Variants in TRMT9B observed in about 807,000 individuals in gnomAD.
TRMT9B encodes the protein tRNA methyltransferase 9B (putative).
Under a neutral mutation model 11.5 loss-of-function variants are expected in TRMT9B, and 16 were observed. The observed-to-expected ratio is 1.39, with a 90% CI of 0.94 to 2.11. The LOEUF is 2.11. Ranked by LOEUF, TRMT9B falls within the 30% of genes most tolerant of loss-of-function variation. The probability of loss-of-function intolerance (pLI) is 0.00; values close to 1 mark genes in which losing one functional copy is unlikely to be tolerated. For missense variants in TRMT9B, 941 were observed against 553.8 expected (o/e 1.70, Z -7.02); for synonymous variants, 274 against 192.4 (o/e 1.42, Z -3.51).
intron 1 of TRMT9B, among the ~76,000 whole-genome samples, chr8:12,955,588 G>A (rs2460358): frequency 0.024 from 3,680 of 152,238 alleles, 148 homozygotes; most frequent in African/African-American, 0.085. Context: ...GTGTAACTGC[G>A]AATGTCAAAT....
chr8:13,015,984 C>A (rs944729580), intron 4 of TRMT9B, among the ~76,000 whole-genome samples: 1 of 151,222 alleles, frequency 6.6e-6, no homozygotes, highest in East Asian at 1.9e-4. Context: ...GTGACGGGCA[C>A]CTGAATTCCC....
At chr8:13,007,748 C>G (rs1187841576) in intron 3 of TRMT9B, 1 of 152,116 alleles carries the variant, frequency 6.6e-6, no homozygotes, top group Non-Finnish European at 1.5e-5. Context: ...GGGAAAGGAA[C>G]TATTCAGTAA....
chr8:12,948,914 C>T lies in TRMT9B; in HGVS notation c.-200+2948C>T, dbSNP rs146793242. Among the ~76,000 whole-genome samples, 42 of 152,168 alleles carry T rather than the reference C, an allele frequency of 2.8e-4. 1 individual carries two copies. The highest frequency in any genetic ancestry group is 1.0e-3 in the Admixed American group (16 of 15,280). ...GGCGGAGCTTGCAGTGAGCCGAGATCGCACCACTGCACTCCAGCCTGGGTG... is the reference window on the plus strand; with the variant it reads ...GGCGGAGCTTGCAGTGAGCCGAGATTGCACCACTGCACTCCAGCCTGGGTG... On this transcript the variant is annotated intron_variant, in intron 1 of 4. Coordinates refer to ENST00000524591, the MANE Select transcript of TRMT9B (RefSeq NM_020844.3).
At chr8:12,951,818 G>A (rs557948757) in intron 1 of TRMT9B, 4,592 of 151,902 alleles carry the variant, frequency 0.03, 109 homozygotes, top group Non-Finnish European at 0.049. Context: ...GCGGGGCGCC[G>A]GAGTAGGGCG....
chr8:12,969,408 G>A (rs925903113), intron 1 of TRMT9B, among the ~76,000 whole-genome samples: 6 of 151,910 alleles, frequency 3.9e-5, no homozygotes, highest in Admixed American at 6.6e-5. Flanking sequence ...CATCCAAAGG[G>A]GATTGGTTCC....
intron 1 of TRMT9B, among the ~76,000 whole-genome samples, chr8:12,989,812 G>C (rs1585230168): frequency 1.3e-5 from 2 of 152,212 alleles, no homozygotes; most frequent in Middle Eastern, 3.2e-3. Flanking sequence ...TGCTTTGGTA[G>C]CTCTTTCAAA....
chr8:12,953,339 ATTAT>A (rs1304731000), intron 1 of TRMT9B, among the ~76,000 whole-genome samples: 1 of 151,964 alleles, frequency 6.6e-6, no homozygotes, highest in Non-Finnish European at 1.5e-5. Context: ...TCTATTTTTT[ATTAT>A]TTATTTGTTT....
chr8:13,006,565 T>A, intron 3 of TRMT9B: 3 of 1,422,914 alleles, frequency 2.1e-6, no homozygotes, highest in Non-Finnish European at 2.8e-6. Flanking sequence ...ATAGGAATCC[T>A]GAAATTGCAC....
intron 1 of TRMT9B, among the ~76,000 whole-genome samples, chr8:12,966,290 C>T (rs1009923746): frequency 3.9e-5 from 6 of 152,048 alleles, no homozygotes; most frequent in Non-Finnish European, 5.9e-5. Flanking sequence ...AGGGTGTGGG[C>T]GGGGGGAAGA....
intron 1 of TRMT9B, among the ~76,000 whole-genome samples, chr8:12,985,699 TCATA>T (rs1416878079): frequency 3.9e-5 from 6 of 152,112 alleles, no homozygotes; most frequent in South Asian, 2.1e-4. Context: ...TAGAGCTCTA[TCATA>T]CATGGCTAGC....
In TRMT9B at chr8:13,021,973, C is replaced by T. The variant is rs572261095; in HGVS notation, c.1294C>T (p.Arg432Cys). 1.6e-5 allele frequency: 26 copies of T among 1,613,184 alleles called. No individual in the cohort carries two copies. The highest frequency in any genetic ancestry group is 8.0e-5 in the African/African-American group (6 of 74,978). ...SLLKENVSEL[R>C]ILSSGNDHGN... ...GCTCAAGGAGAATGTGTCAGAGCTC[C>T]GTATCCTGAGTTCTGGGAATGATCA... Residue 432 changes from arginine to cysteine, a missense_variant, in exon 5 of 5, where the codon CGT becomes TGT. Coordinates refer to ENST00000524591, the MANE Select transcript of TRMT9B (RefSeq NM_020844.3).
At chr8:12,979,133 G>C (rs1804943399) in intron 1 of TRMT9B, among the ~76,000 whole-genome samples, 1 of 152,180 alleles carries the variant, frequency 6.6e-6, no homozygotes, top group African/African-American at 2.4e-5. Context: ...CCTCTGGCGG[G>C]GGAATGGCAG....
chr8:13,002,982 T>C (rs1366119766), intron 2 of TRMT9B, among the ~76,000 whole-genome samples: 3 of 152,076 alleles, frequency 2.0e-5, no homozygotes, highest in African/African-American at 7.2e-5. Context: ...CCAAAGCCAA[T>C]ACTACCCTCT....
intron 4 of TRMT9B, among the ~76,000 whole-genome samples, chr8:13,017,866 C>T (rs545299808): frequency 5.9e-4 from 90 of 151,650 alleles, no homozygotes; most frequent in Non-Finnish European, 1.2e-3. Context: ...TCAAGTGATC[C>T]GCCCACCTCA....
intron 1 of TRMT9B, among the ~76,000 whole-genome samples, chr8:12,972,655 C>T (rs960772617): frequency 1.3e-5 from 2 of 152,090 alleles, no homozygotes; most frequent in Non-Finnish European, 2.9e-5. Flanking sequence ...GCCCTCTCCA[C>T]ACAAAGCGGT....
chr8:12,992,850 C>G (rs1253211299), intron 2 of TRMT9B, among the ~76,000 whole-genome samples: 2 of 152,030 alleles, frequency 1.3e-5, no homozygotes, highest in Non-Finnish European at 2.9e-5. Context: ...GCCTAGGAGA[C>G]AGAGCAAGAC....
intron 2 of TRMT9B, among the ~76,000 whole-genome samples, chr8:12,997,542 G>T (rs1396668013): frequency 6.6e-6 from 1 of 152,026 alleles, no homozygotes; most frequent in Non-Finnish European, 1.5e-5. Context: ...ACTAATATAG[G>T]GACTGATCCA....
intron 1 of TRMT9B, among the ~76,000 whole-genome samples, chr8:12,950,679 G>T (rs757432251): frequency 7.9e-5 from 12 of 152,124 alleles, no homozygotes; most frequent in Non-Finnish European, 1.6e-4. Flanking sequence ...AATATACTGT[G>T]GCACTAGAAA....
At chr8:12,982,039 G>T (rs565781860) in intron 1 of TRMT9B, among the ~76,000 whole-genome samples, 46 of 152,218 alleles carry the variant, frequency 3.0e-4, no homozygotes, top group African/African-American at 1.1e-3. Context: ...TGAAATTATG[G>T]TAATAGTAAA....
Sources: allele counts gnomAD v4.1 joint callset (sites outside exome capture counted in the v4.1 genomes callset), GRCh38; gene constraint gnomAD v4.1.1; transcripts MANE v1.5; gene names NCBI Gene and HGNC (gene_info 2026-07-23, HGNC 2026-07-21).